The following TRPC5OS variants were observed in gnomAD, a reference collection of about 807,000 sequenced individuals.
TRPC5OS encodes the protein TRPC5 opposite strand.
For synonymous variants in TRPC5OS, 30 were observed against 29.3 expected, an observed-to-expected ratio of 1.02 and a Z score of -0.08; for missense variants, 64 against 79.3, an observed-to-expected ratio of 0.81 and a Z score of 0.73.
intron 1 of TRPC5OS, among the ~76,000 whole-genome samples, chrX:111,890,095 T>C (rs1464806076): frequency 8.9e-6 from 1 of 111,797 alleles, no homozygotes; most frequent in Admixed American, 9.5e-5. Flanking sequence ...ATCAAAAATA[T>C]TTTTAAAATA....
Position 111,901,662 on chromosome X carries a change from C to G in TRPC5OS, c.-188C>G, listed in dbSNP as rs1925351665. ...TCTGTGCGCGGTTTACCAACATCAT[C>G]AAAAAGTTATATTGTTCTACTGTTC... On this transcript the variant is annotated 5_prime_UTR_variant, in exon 4 of 4. The change creates a new upstream start codon in the 5' untranslated region. Transcript: ENST00000635763. 8.6e-6 allele frequency: 3 copies of G among 347,073 alleles called. No individual in the cohort carries two copies. The highest frequency in any genetic ancestry group is 1.5e-5 in the Non-Finnish European group (3 of 203,762). The allele number at this position is 347,073 out of a possible 1,213,427, so 28.6% of individuals were successfully genotyped here.
At chrX:111,885,542 GT>G (rs760694250) in intron 1 of TRPC5OS, among the ~76,000 whole-genome samples, 2,218 of 97,741 alleles carry the variant, frequency 0.023, 25 homozygotes, top group Non-Finnish European at 0.035. Flanking sequence ...TAATCAAAGG[GT>G]TTTTTTTTTT....
chrX:111,901,321 T>C (rs947701514), intron 3 of TRPC5OS, among the ~76,000 whole-genome samples: 5 of 111,180 alleles, frequency 4.5e-5, no homozygotes, highest in African/African-American at 1.6e-4. Flanking sequence ...TACTCACTTT[T>C]CTCCCAAATC....
At chrX:111,897,710 A>AGTG (rs1224684870) in intron 3 of TRPC5OS, among the ~76,000 whole-genome samples, 1 of 111,599 alleles carries the variant, frequency 9.0e-6, no homozygotes, top group Non-Finnish European at 1.9e-5. Context: ...CCCTCTCAGT[A>AGTG]GTGCCTTTCT....
chrX:111,888,501 C>T (rs1485344313), intron 1 of TRPC5OS, among the ~76,000 whole-genome samples: 3 of 95,964 alleles, frequency 3.1e-5, no homozygotes, highest in Admixed American at 1.1e-4. Context: ...GGTGAAACCC[C>T]GTCTCTACCA....
intron 3 of TRPC5OS, among the ~76,000 whole-genome samples, chrX:111,897,893 A>C (rs1468280749): frequency 9.0e-6 from 1 of 111,135 alleles, no homozygotes; most frequent in Admixed American, 9.6e-5. Flanking sequence ...GTAAATACCT[A>C]TGAGTAGAAT....
chrX:111,902,254 T>C lies in TRPC5OS; in HGVS notation c.*69T>C. 2.8e-6 allele frequency: 2 copies of C among 717,962 alleles called. No homozygotes were observed. Among genetic ancestry groups the C allele is most frequent in the Non-Finnish European group, 1.9e-6 (1 of 513,962 alleles). The allele number at this position is 717,962 out of a possible 1,213,427, so 59.2% of individuals were successfully genotyped here. A position where few individuals can be genotyped will look rare whatever the true frequency, so the allele number is the denominator to read the frequency against. ...ATTTCTCTGTTTTAATATATTCTTA[T>C]TTTCTGTATATTAGCAATATGTGTT... On this transcript the variant is annotated 3_prime_UTR_variant, in exon 4 of 4. Coordinates refer to ENST00000635763, the MANE Select transcript of TRPC5OS (RefSeq NM_001195578.2).
rs924568973 is a variant in TRPC5OS at position 111,903,484 on chromosome X, G to A, written c.*1299G>A. The stretch of plus-strand genomic sequence containing the variant: ...TCTGCAAATTAGCCAACCCTAAGAT[G>A]TTGCTATAAACAGCTGGTAGGCGAT... On this transcript the variant is annotated 3_prime_UTR_variant, in exon 4 of 4. Coordinates refer to ENST00000635763, the MANE Select transcript of TRPC5OS (RefSeq NM_001195578.2). 2 of 112,064 alleles carry A rather than the reference G, an allele frequency of 1.8e-5. No individual in the cohort carries two copies. Among genetic ancestry groups the A allele is most frequent in the Non-Finnish European group, 3.8e-5 (2 of 53,183 alleles). 9.2% of individuals were successfully genotyped at this position (112,064 alleles called of 1,213,427 possible).
intron 1 of TRPC5OS, among the ~76,000 whole-genome samples, chrX:111,884,638 T>C (rs1924385642): frequency 8.9e-6 from 1 of 112,775 alleles, no homozygotes; most frequent in Admixed American, 9.3e-5. Context: ...CAGAGTCTAG[T>C]TAAAGTAGAG....
At chrX:111,878,249 A>G (rs1924049739) in intron 1 of TRPC5OS, among the ~76,000 whole-genome samples, 1 of 111,219 alleles carries the variant, frequency 9.0e-6, no homozygotes, top group African/African-American at 3.3e-5. Flanking sequence ...AATTAAAAAT[A>G]AAATAAAATT....
At chrX:111,883,322 C>T (rs948563386) in intron 1 of TRPC5OS, among the ~76,000 whole-genome samples, 2 of 112,297 alleles carry the variant, frequency 1.8e-5, no homozygotes, top group Non-Finnish European at 3.8e-5. Context: ...GGGACCTATT[C>T]AGGGCCAATG....
intron 1 of TRPC5OS, among the ~76,000 whole-genome samples, chrX:111,890,875 T>A (rs1286670306): frequency 9.0e-6 from 1 of 111,116 alleles, no homozygotes; most frequent in Non-Finnish European, 1.9e-5. Context: ...CCTCCCACCC[T>A]CGACCCTCTG....
rs1338163907 is a variant in TRPC5OS, at chrX:111,903,059, C to T, written c.*874C>T. 8.9e-6 allele frequency: 1 copy of T among 111,817 alleles called. No individual in the cohort carries two copies. The highest frequency in any genetic ancestry group is 1.9e-5 in the Non-Finnish European group (1 of 53,148). The allele number at this position is 111,817 out of a possible 1,213,427, so 9.2% of individuals were successfully genotyped here. A position where few individuals can be genotyped will look rare whatever the true frequency, so the allele number is the denominator to read the frequency against. On this transcript the variant is annotated 3_prime_UTR_variant, in exon 4 of 4. Coordinates refer to ENST00000635763, the MANE Select transcript of TRPC5OS (RefSeq NM_001195578.2). ...GCATCAAAGCAGGAAGATGCTACAA[C>T]CCCATAATATGTGGAGCTGGCTGGA... is the stretch of plus-strand genomic sequence containing the variant.
At chrX:111,894,766 T>C (rs1013915813) in intron 1 of TRPC5OS, among the ~76,000 whole-genome samples, 11 of 111,467 alleles carry the variant, frequency 9.9e-5, no homozygotes, top group Non-Finnish European at 2.1e-4. Context: ...ATATAGTAAA[T>C]TGCGCAAATT....
rs180945280 is a variant in TRPC5OS, at chrX:111,882,075, A to G, written c.-546+5802A>G. On this transcript the variant is annotated intron_variant, in intron 1 of 3. Coordinates refer to ENST00000635763, the MANE Select transcript of TRPC5OS (RefSeq NM_001195578.2). ...TTGCACATTATGGGCAAAAGCCGTA[A>G]AGTCACCTGCTGCTGTACTGTACTC... The G allele has an allele frequency of 3.0e-4, 33 of 111,108 alleles. No homozygotes were observed. In the Admixed American group the frequency reaches 3.1e-3, roughly 10 times the overall value. 9.2% of individuals were successfully genotyped at this position (111,108 alleles called of 1,213,427 possible). A position where few individuals can be genotyped will look rare whatever the true frequency, so the allele number is the denominator to read the frequency against.
chrX:111,879,024 C>G (rs748901094), intron 1 of TRPC5OS, among the ~76,000 whole-genome samples: 1 of 112,030 alleles, frequency 8.9e-6, no homozygotes, highest in Non-Finnish European at 1.9e-5. Flanking sequence ...CAAAGTTAAG[C>G]TAGAAAGAGG....
intron 1 of TRPC5OS, among the ~76,000 whole-genome samples, chrX:111,895,338 G>A (rs774619890): frequency 9.0e-6 from 1 of 111,543 alleles, no homozygotes; most frequent in Non-Finnish European, 1.9e-5. Context: ...CCTCTATGAA[G>A]TGCCAGTTCA....
rs750626997 is a variant in TRPC5OS at position 111,880,997 on chromosome X, C to T, written c.-546+4724C>T. Reference sequence around the variant, plus strand: ...AAAGTTCAGCTTGGTGAAGCTTACACTCCCGTTACTGCAATTCTAGTGCAT... The same window carrying T: ...AAAGTTCAGCTTGGTGAAGCTTACATTCCCGTTACTGCAATTCTAGTGCAT... On this transcript the variant is annotated intron_variant, in intron 1 of 3. Transcript: ENST00000635763. Among the ~76,000 whole-genome samples, 4 of 111,606 alleles carry T rather than the reference C, an allele frequency of 3.6e-5. No individual in the cohort carries two copies. In the Admixed American group the frequency reaches 3.8e-4, roughly 11 times the overall value.
chrX:111,890,466 A>G (rs924562645), intron 1 of TRPC5OS, among the ~76,000 whole-genome samples: 1 of 112,043 alleles, frequency 8.9e-6, no homozygotes, highest in African/African-American at 3.2e-5. Flanking sequence ...GGATGTGCAT[A>G]GGTTATATGC....
Sources: allele counts gnomAD v4.1 joint callset (sites outside exome capture counted in the v4.1 genomes callset), GRCh38; gene constraint gnomAD v4.1.1; transcripts MANE v1.5; gene names NCBI Gene and HGNC (gene_info 2026-07-23, HGNC 2026-07-21).